KCNK2: variants seen among roughly 807,000 people sequenced by gnomAD.
KCNK2 encodes potassium channel subfamily K member 2.
Under a neutral mutation model 40.5 loss-of-function variants are expected in KCNK2, and 21 were observed. That is an observed-to-expected ratio of 0.52 (90% CI 0.37 to 0.75). KCNK2 has a LOEUF of 0.75. Ranked by LOEUF, KCNK2 falls within the 30% of genes least tolerant of loss-of-function variation. The pLI, the probability that KCNK2 is intolerant of heterozygous loss-of-function variation, is 0.00. For missense variants in KCNK2, 399 were observed against 531.6 expected (o/e 0.75, Z 2.45); for synonymous variants, 191 against 202.2 (o/e 0.94, Z 0.47).
At chr1:215,212,988 C>T (rs1037575455) in intron 6 of KCNK2, among the ~76,000 whole-genome samples, 11 of 152,120 alleles carry the variant, frequency 7.2e-5, no homozygotes, top group African/African-American at 2.7e-4. Flanking sequence ...GCATTAAGGA[C>T]TACACATAAA....
upstream of KCNK2, among the ~76,000 whole-genome samples, chr1:215,077,941 G>T (rs563885926): frequency 6.6e-6 from 1 of 152,166 alleles, no homozygotes; most frequent in African/African-American, 2.4e-5. Context: ...TCTGATGAAT[G>T]TGATTTATTT....
intron 6 of KCNK2, among the ~76,000 whole-genome samples, chr1:215,218,736 T>C (rs1257614180): frequency 6.6e-6 from 1 of 152,180 alleles, no homozygotes; most frequent in African/African-American, 2.4e-5. Flanking sequence ...CTTTCTTTTA[T>C]CCTATGATCT....
intron 1 of KCNK2, among the ~76,000 whole-genome samples, chr1:215,007,275 T>C (rs1377399887): frequency 7.1e-6 from 1 of 140,538 alleles, no homozygotes. Context: ...TTTTGTGGCA[T>C]TGGGACTTGG....
At chr1:215,102,283 G>A (rs79546364) in intron 2 of KCNK2, among the ~76,000 whole-genome samples, 7,868 of 151,962 alleles carry the variant, frequency 0.052, 293 homozygotes, top group Non-Finnish European at 0.08. Context: ...CCTAAACCCT[G>A]TGTAGGCCTA....
chr1:215,033,371 C>G (rs1401389504), intron 1 of KCNK2, among the ~76,000 whole-genome samples: 1 of 152,044 alleles, frequency 6.6e-6, no homozygotes, highest in Non-Finnish European at 1.5e-5. Flanking sequence ...GAGTTTGGTT[C>G]TGATACTTAC....
At chr1:215,174,062 C>T (rs1011576731) in intron 5 of KCNK2, among the ~76,000 whole-genome samples, 46 of 152,184 alleles carry the variant, frequency 3.0e-4, no homozygotes, top group African/African-American at 4.8e-4. Flanking sequence ...ATGTCCTGAA[C>T]GGTATTGCCT....
chr1:215,046,202 G>C (rs939830016), intron 1 of KCNK2, among the ~76,000 whole-genome samples: 1 of 152,132 alleles, frequency 6.6e-6, no homozygotes, highest in Non-Finnish European at 1.5e-5. Context: ...TTACCAGATG[G>C]TTTTGATTTG....
intron 5 of KCNK2, among the ~76,000 whole-genome samples, chr1:215,189,025 A>C (rs998449622): frequency 6.6e-6 from 1 of 152,148 alleles, no homozygotes; most frequent in Non-Finnish European, 1.5e-5. Context: ...CTAAGTAGGG[A>C]ATCTTTTTCT....
At chr1:215,155,204 T>C (rs1450479673) in intron 3 of KCNK2, among the ~76,000 whole-genome samples, 4 of 152,152 alleles carry the variant, frequency 2.6e-5, no homozygotes, top group Non-Finnish European at 5.9e-5. Context: ...TCTTTTAAAA[T>C]GACTTAGAAT....
At chr1:215,183,286 T>C (rs1029023311) in intron 5 of KCNK2, among the ~76,000 whole-genome samples, 1 of 152,184 alleles carries the variant, frequency 6.6e-6, no homozygotes, top group Non-Finnish European at 1.5e-5. Flanking sequence ...TTTTCTGCCT[T>C]AGTTTTAAAA....
intron 1 of KCNK2, among the ~76,000 whole-genome samples, chr1:215,019,398 C>T (rs935385188): frequency 6.6e-6 from 1 of 152,104 alleles, no homozygotes; most frequent in Non-Finnish European, 1.5e-5. Flanking sequence ...GTTATTCTCC[C>T]CTAGAGAAAC....
intron 1 of KCNK2, among the ~76,000 whole-genome samples, chr1:215,056,615 C>CTTTTTTT (rs34925678): frequency 5.8e-5 from 6 of 103,978 alleles, no homozygotes; most frequent in African/African-American, 7.6e-5. Context: ...TGTGTCCACT[C>CTTTTTTT]TTTTTTTTTT....
intron 4 of KCNK2, among the ~76,000 whole-genome samples, chr1:215,170,619 C>T (rs1430654102): frequency 1.3e-5 from 2 of 152,096 alleles, no homozygotes; most frequent in African/African-American, 2.4e-5. Flanking sequence ...TAGCACTAGT[C>T]ATGATTTAAG....
At chr1:215,183,509 T>C (rs1664310182) in intron 5 of KCNK2, among the ~76,000 whole-genome samples, 1 of 152,212 alleles carries the variant, frequency 6.6e-6, no homozygotes, top group Non-Finnish European at 1.5e-5. Flanking sequence ...ATTTGCTTTA[T>C]TGTTGTATCT....
chr1:215,075,380 G>A (rs1448762585), intron 1 of KCNK2, among the ~76,000 whole-genome samples: 1 of 151,980 alleles, frequency 6.6e-6, no homozygotes. Flanking sequence ...AAAATTTCAG[G>A]GTGAGGCACT....
At chr1:215,089,023 T>C (rs1227777570) in intron 2 of KCNK2, among the ~76,000 whole-genome samples, 2 of 152,214 alleles carry the variant, frequency 1.3e-5, no homozygotes, top group African/African-American at 2.4e-5. Flanking sequence ...ATCATTACAA[T>C]GCCATGACTT....
chr1:215,089,825 C>CT (rs752551744), intron 2 of KCNK2, among the ~76,000 whole-genome samples: 51 of 62,606 alleles, frequency 8.1e-4, no homozygotes, highest in Middle Eastern at 6.8e-3. Flanking sequence ...GTTTCTTTTT[C>CT]TTTTTTTTTT....
At chr1:215,094,297 A>G (rs1384790611) in intron 2 of KCNK2, among the ~76,000 whole-genome samples, 1 of 152,064 alleles carries the variant, frequency 6.6e-6, no homozygotes, top group Non-Finnish European at 1.5e-5. Context: ...TAAACATCCC[A>G]TAAATACTTT....
intron 6 of KCNK2, among the ~76,000 whole-genome samples, chr1:215,219,068 A>C (rs547059273): frequency 6.6e-6 from 1 of 152,314 alleles, no homozygotes; most frequent in Admixed American, 6.5e-5. Context: ...CATGCAGTTT[A>C]TTTTGATGAT....
Sources: allele counts gnomAD v4.1 joint callset (sites outside exome capture counted in the v4.1 genomes callset), GRCh38; gene constraint gnomAD v4.1.1; transcripts MANE v1.5; gene names NCBI Gene and HGNC (gene_info 2026-07-23, HGNC 2026-07-21).